SPDYE14: variants seen among roughly 807,000 people sequenced by gnomAD.
SPDYE14 encodes speedy protein E14.
the SPDYE14 span, among the ~76,000 whole-genome samples, chr7:75,275,170 C>T: frequency 3.0e-3 from 174 of 58,212 alleles, no homozygotes; most frequent in African/African-American, 6.9e-3. Flanking sequence ...TCTGCCCGGC[C>T]GCCCCTACTG....
the SPDYE14 span, among the ~76,000 whole-genome samples, chr7:75,273,129 C>T: frequency 5.0e-5 from 3 of 59,858 alleles, 1 homozygote; most frequent in African/African-American, 1.2e-4. Flanking sequence ...GTGAGATGTG[C>T]GTGCTTCCCC....
chr7:75,279,027 C>T, the SPDYE14 span, among the ~76,000 whole-genome samples: 2 of 119,518 alleles, frequency 1.7e-5, 1 homozygote, highest in Non-Finnish European at 3.4e-5. Flanking sequence ...GTCATGAATA[C>T]TCAGTGTTGG....
chr7:75,245,395 T>G, the SPDYE14 span, among the ~76,000 whole-genome samples: 1 of 111,820 alleles, frequency 8.9e-6, no homozygotes, highest in Non-Finnish European at 1.8e-5. Flanking sequence ...CACTCCAGCC[T>G]GGGTGACAGA....
the SPDYE14 span, among the ~76,000 whole-genome samples, chr7:75,249,582 C>T: frequency 2.5e-3 from 42 of 16,930 alleles, no homozygotes; most frequent in African/African-American, 3.0e-3. Flanking sequence ...TCCTTCTTTC[C>T]TTCCTTCCTT....
At chr7:75,265,983 CA>C in the SPDYE14 span, among the ~76,000 whole-genome samples, 1 of 63,020 alleles carries the variant, frequency 1.6e-5, no homozygotes, top group Non-Finnish European at 3.3e-5. Context: ...GACCCTATCT[CA>C]AAAAAAGAAA....
At chr7:75,255,148 TTCTTTCTTTC>T in the SPDYE14 span, among the ~76,000 whole-genome samples, 18 of 32,292 alleles carry the variant, frequency 5.6e-4, 7 homozygotes, top group South Asian at 3.1e-3. Flanking sequence ...CTTTCATCTC[TTCTTTCTTTC>T]TCTTTCTTTC....
At chr7:75,287,021 TG>T in the SPDYE14 span, 1 of 177,098 alleles carries the variant, frequency 5.6e-6, no homozygotes, top group Non-Finnish European at 7.7e-6. Context: ...AGGGGTATCC[TG>T]GGGAGTCCCC....
upstream of SPDYE14, among the ~76,000 whole-genome samples, chr7:75,306,668 G>T (rs2116083634): frequency 1.4e-4 from 1 of 7,302 alleles, no homozygotes; most frequent in South Asian, 0.015. Context: ...AGCCATTGTT[G>T]TATTAAACGG....
At chr7:75,241,695 A>ATATTTTT in the SPDYE14 span, among the ~76,000 whole-genome samples, 1 of 15,488 alleles carries the variant, frequency 6.5e-5, no homozygotes, top group Non-Finnish European at 1.4e-4. Context: ...ATATATATAT[A>ATATTTTT]TTTTTTTTTT....
chr7:75,267,756 A>ATTTATTTATTTATTTATTT, the SPDYE14 span, among the ~76,000 whole-genome samples: 1 of 128,122 alleles, frequency 7.8e-6, no homozygotes, highest in African/African-American at 2.7e-5. Flanking sequence ...TTATTTATTT[A>ATTTATTTATTTATTTATTT]GACAGAGTCT....
chr7:75,251,503 A>T, the SPDYE14 span, among the ~76,000 whole-genome samples: 1 of 60,614 alleles, frequency 1.6e-5, no homozygotes, highest in South Asian at 4.6e-4. Flanking sequence ...ACGCCGGCTA[A>T]TTTTGTCTGT....
At chr7:75,237,747 C>A in the SPDYE14 span, 1 of 114,124 alleles carries the variant, frequency 8.8e-6, no homozygotes, top group African/African-American at 2.5e-5. Flanking sequence ...GCATGCGCGG[C>A]CCGCGCGCGG....
At chr7:75,272,732 C>G in the SPDYE14 span, among the ~76,000 whole-genome samples, 1 of 56,528 alleles carries the variant, frequency 1.8e-5, no homozygotes, top group African/African-American at 4.2e-5. Context: ...ACTAAAAATA[C>G]AAAATTAGCT....
the SPDYE14 span, among the ~76,000 whole-genome samples, chr7:75,278,974 G>T: frequency 9.1e-6 from 1 of 109,626 alleles, no homozygotes; most frequent in East Asian, 2.2e-4. Context: ...GGCTTAAATC[G>T]GGAGAGTGAC....
chr7:75,265,176 T>C, the SPDYE14 span, among the ~76,000 whole-genome samples: 1 of 57,646 alleles, frequency 1.7e-5, no homozygotes, highest in South Asian at 7.4e-4. Flanking sequence ...CTTGGCTCAC[T>C]GCAACCTTGG....
chr7:75,268,827 G>A, the SPDYE14 span, among the ~76,000 whole-genome samples: 2,547 of 42,816 alleles, frequency 0.059, 8 homozygotes, highest in Admixed American at 0.09. Flanking sequence ...AGCCCAGATC[G>A]CACCATTGCA....
chr7:75,245,422 C>A, the SPDYE14 span, among the ~76,000 whole-genome samples: 2 of 113,226 alleles, frequency 1.8e-5, no homozygotes, highest in Admixed American at 9.4e-5. Flanking sequence ...GAGACTATGT[C>A]TCAAAGAAAA....
chr7:75,278,928 T>A, the SPDYE14 span, among the ~76,000 whole-genome samples: 3 of 50,332 alleles, frequency 6.0e-5, 1 homozygote. Context: ...GGTGACAGAG[T>A]GAGACTCTGT....
At chr7:75,249,845 T>C in the SPDYE14 span, among the ~76,000 whole-genome samples, 2 of 123,226 alleles carry the variant, frequency 1.6e-5, no homozygotes, top group Non-Finnish European at 3.4e-5. Context: ...GGCTAATTTT[T>C]GTATAGCGGA....
Sources: allele counts gnomAD v4.1 joint callset (sites outside exome capture counted in the v4.1 genomes callset), GRCh38; gene constraint gnomAD v4.1.1; transcripts MANE v1.5; gene names NCBI Gene and HGNC (gene_info 2026-07-23, HGNC 2026-07-21).